Variants in DLC1 observed in about 807,000 individuals in gnomAD.
DLC1 encodes the protein rho GTPase-activating protein 7.
A neutral mutation model predicts 140.3 loss-of-function variants in DLC1; 54 were observed. That is an observed-to-expected ratio of 0.38 (90% CI 0.31 to 0.48). The LOEUF (loss-of-function observed/expected upper bound fraction) is 0.48, where lower values mean the gene tolerates loss of function less well. DLC1 is among the 20% of genes least tolerant of loss of function. The pLI is 0.96. For missense variants in DLC1, 2,536 were observed against 1,907.0 expected (o/e 1.33, Z -6.14); for synonymous variants, 986 against 728.1 (o/e 1.35, Z -5.70).
At chr8:13,372,966 G>A (rs1486968490) in intron 4 of DLC1, among the ~76,000 whole-genome samples, 2 of 152,206 alleles carry the variant, frequency 1.3e-5, no homozygotes, top group African/African-American at 4.8e-5. Flanking sequence ...CTAGGAAGTA[G>A]CTACAGGAAG....
chr8:13,500,994 T>C (rs937365119), intron 1 of DLC1, among the ~76,000 whole-genome samples: 3 of 152,204 alleles, frequency 2.0e-5, no homozygotes, highest in African/African-American at 7.2e-5. Context: ...ACTGAGATAG[T>C]CAACAAACTT....
At chr8:13,128,195 A>C (rs565976014) in intron 5 of DLC1, among the ~76,000 whole-genome samples, 158 of 152,362 alleles carry the variant, frequency 1.0e-3, no homozygotes, top group Non-Finnish European at 2.0e-3. Flanking sequence ...ATAGGCAGGC[A>C]TTCACATATT....
At chr8:13,432,717 A>C (rs952435746) in intron 2 of DLC1, among the ~76,000 whole-genome samples, 2 of 152,330 alleles carry the variant, frequency 1.3e-5, no homozygotes, top group Non-Finnish European at 2.9e-5. Flanking sequence ...GGCAACTAGG[A>C]GATGACTAGT....
intron 3 of DLC1, among the ~76,000 whole-genome samples, chr8:13,396,153 G>A (rs1400928227): frequency 2.0e-5 from 3 of 147,396 alleles, no homozygotes; most frequent in Non-Finnish European, 4.5e-5. Flanking sequence ...TCCGCCTCCT[G>A]GGTTCACACC....
chr8:13,092,905 G>A (rs1040370078), intron 12 of DLC1, 80 bp from the exon 13 acceptor site: 17 of 1,448,950 alleles, frequency 1.2e-5, no homozygotes, highest in South Asian at 3.7e-5. Flanking sequence ...AGCAAATATC[G>A]GCATCAAATA....
chr8:13,428,026 G>A (rs1425605634), intron 2 of DLC1, among the ~76,000 whole-genome samples: 1 of 152,150 alleles, frequency 6.6e-6, no homozygotes, highest in East Asian at 1.9e-4. Context: ...AGGTGGCTTC[G>A]GGGAGCAGGG....
At chr8:13,455,717 A>G (rs982913814) in intron 2 of DLC1, among the ~76,000 whole-genome samples, 126 of 152,198 alleles carry the variant, frequency 8.3e-4, no homozygotes, top group Non-Finnish European at 8.8e-5. Context: ...GTTGCATCTT[A>G]TAAAAATTCG....
intron 1 of DLC1, among the ~76,000 whole-genome samples, chr8:13,542,820 T>C (rs62492091): frequency 0.12 from 17,786 of 152,096 alleles, 1,232 homozygotes; most frequent in Non-Finnish European, 0.14. Context: ...TATATTGTAA[T>C]TTGAGACATG....
At chr8:13,128,973 T>C (rs1196679556) in intron 5 of DLC1, among the ~76,000 whole-genome samples, 5 of 88,756 alleles carry the variant, frequency 5.6e-5, no homozygotes, top group Non-Finnish European at 1.2e-4. Flanking sequence ...GTAGACCTAA[T>C]TAGAGGATCC....
intron 14 of DLC1, among the ~76,000 whole-genome samples, chr8:13,090,874 G>C (rs1818004531): frequency 6.6e-6 from 1 of 150,596 alleles, no homozygotes; most frequent in Non-Finnish European, 1.5e-5. Context: ...CAAAATATTG[G>C]TTCATTGCAA....
At chr8:13,318,321 A>G (rs1034678119) in intron 4 of DLC1, among the ~76,000 whole-genome samples, 6 of 151,748 alleles carry the variant, frequency 4.0e-5, no homozygotes, top group Non-Finnish European at 7.4e-5. Flanking sequence ...GGCATGAGCC[A>G]TTGTGCTTGG....
intron 5 of DLC1, among the ~76,000 whole-genome samples, chr8:13,138,859 A>C (rs1438700863): frequency 6.6e-6 from 1 of 152,210 alleles, no homozygotes; most frequent in African/African-American, 2.4e-5. Flanking sequence ...TTAGGCAGCA[A>C]AATTAATTCA....
intron 5 of DLC1, among the ~76,000 whole-genome samples, chr8:13,285,661 G>C (rs1379177582): frequency 1.3e-5 from 2 of 152,274 alleles, no homozygotes; most frequent in Middle Eastern, 3.4e-3. Context: ...AAGTGTTGGA[G>C]AGAATGTGGA....
At chr8:13,557,734 C>T (rs1370225939) in intron 1 of DLC1, 1 of 152,264 alleles carries the variant, frequency 6.6e-6, no homozygotes, top group Non-Finnish European at 1.5e-5. Context: ...AACTGTGAGT[C>T]AATTAAACTT....
rs145602763 is a variant in DLC1 at position 13,390,412 on chromosome 8, G to C, written c.1314+3141C>G. Among the ~76,000 whole-genome samples, 471 of 152,230 alleles carry C rather than the reference G, an allele frequency of 3.1e-3. 3 individuals are homozygous for C. The highest frequency in any genetic ancestry group is 9.8e-3 in the African/African-American group (405 of 41,530). On this transcript the variant is annotated intron_variant, in intron 4 of 17. Coordinates refer to ENST00000276297, the MANE Select transcript of DLC1 (RefSeq NM_182643.3). ...TTCCATGTCTTTGCTACTGTAAACA[G>C]TGCTTTAAGTGCTTTAATAAACATA...
At chr8:13,358,242 A>G (rs972432727) in intron 4 of DLC1, among the ~76,000 whole-genome samples, 5 of 152,232 alleles carry the variant, frequency 3.3e-5, no homozygotes, top group Admixed American at 1.3e-4. Context: ...CATCCTACAA[A>G]CACGCATAAA....
At chr8:13,090,547 G>C in intron 14 of DLC1, 77 bp from the exon 15 acceptor site, 1 of 1,533,188 alleles carries the variant, frequency 6.5e-7, no homozygotes, top group Non-Finnish European at 8.9e-7. Flanking sequence ...GGAAAAGACT[G>C]GGTAGGAACA....
intron 1 of DLC1, among the ~76,000 whole-genome samples, chr8:13,521,387 A>G (rs748687972): frequency 1.3e-5 from 2 of 151,432 alleles, no homozygotes; most frequent in African/African-American, 2.4e-5. Flanking sequence ...CATTCTGCAC[A>G]TGTATCCCAG....
intron 5 of DLC1, among the ~76,000 whole-genome samples, chr8:13,182,190 T>C (rs1361813068): frequency 6.6e-6 from 1 of 151,844 alleles, no homozygotes; most frequent in African/African-American, 2.4e-5. Flanking sequence ...GGTTTTTTCT[T>C]TTTTTTTCAT....
Sources: gnomAD v4.1 joint callset for allele counts (sites outside exome capture counted in the v4.1 genomes callset) on GRCh38, gnomAD v4.1.1 for gene constraint, MANE v1.5 for transcripts, NCBI Gene and HGNC (gene_info 2026-07-23, HGNC 2026-07-21) for gene names.